RNASEH1: variants seen among roughly 807,000 people sequenced by gnomAD.
RNASEH1 encodes ribonuclease H1, also known as ribonuclease H type II.
Under a neutral mutation model 34.6 loss-of-function variants are expected in RNASEH1, and 27 were observed. The observed-to-expected ratio is 0.78, with a 90% CI of 0.58 to 1.08. The LOEUF (loss-of-function observed/expected upper bound fraction) is 1.08, where lower values mean the gene tolerates loss of function less well. RNASEH1 is among the 50% of genes least tolerant of loss of function. RNASEH1 has a pLI of 0.00. For synonymous variants in RNASEH1, 162 were observed against 138.4 expected (o/e 1.17, Z -1.20); for missense variants, 349 against 373.6 (o/e 0.93, Z 0.54).
At position 3,545,451 on chromosome 2, in the gene RNASEH1, G is replaced by GT. The variant is rs1558447456; in HGVS notation, c.*333dup. ...TCTGAGTTGCATCTTTTAACCAATG[G>GT]TTTTTTGATTTCTTATCAAAATATA... On this transcript the variant is annotated 3_prime_UTR_variant, in exon 8 of 8. Coordinates refer to ENST00000315212, the MANE Select transcript of RNASEH1 (RefSeq NM_002936.6). 1 of 262,024 alleles carries GT rather than the reference G, an allele frequency of 3.8e-6. No individual in the cohort carries two copies. Among genetic ancestry groups the GT allele is most frequent in the Admixed American group, 4.8e-5 (1 of 20,912 alleles). The allele number at this position is 262,024 out of a possible 1,614,324, so 16.2% of individuals were successfully genotyped here.
chr2:3,557,008 G>T, intron 1 of RNASEH1, 104 bp from the exon 2 acceptor site: 1 of 809,772 alleles, frequency 1.2e-6, no homozygotes, highest in East Asian at 2.7e-5. Context: ...TGGTATCTGA[G>T]GGAGACTGAT....
chr2:3,540,256 G>C (rs1668222143), downstream of RNASEH1, among the ~76,000 whole-genome samples: 1 of 151,978 alleles, frequency 6.6e-6, no homozygotes, highest in Non-Finnish European at 1.5e-5. Context: ...AGTTTCTAAA[G>C]ATATAAAAAA....
chr2:3,555,753 T>C (rs1473213297), intron 2 of RNASEH1, among the ~76,000 whole-genome samples: 1 of 108,626 alleles, frequency 9.2e-6, no homozygotes, highest in Non-Finnish European at 2.1e-5. Flanking sequence ...AATCTTGCGC[T>C]CTAAAGTCGT....
chr2:3,552,730 G>A (rs189851000), intron 2 of RNASEH1, among the ~76,000 whole-genome samples: 1 of 152,234 alleles, frequency 6.6e-6, no homozygotes, highest in Non-Finnish European at 1.5e-5. Context: ...GGGCGCAGTG[G>A]TGTGTGCCTA....
At chr2:3,532,395 C>A in the RNASEH1 span, 1 of 701,280 alleles carries the variant, frequency 1.4e-6, no homozygotes. Context: ...TTCATTATTT[C>A]AGTCACTCAC....
chr2:3,554,697 T>C (rs147250843), intron 2 of RNASEH1, among the ~76,000 whole-genome samples: 1 of 152,240 alleles, frequency 6.6e-6, no homozygotes, highest in African/African-American at 2.4e-5. Flanking sequence ...AACATACTTA[T>C]ATTGGAAGAC....
At chr2:3,532,432 A>G in the RNASEH1 span, 1 of 690,590 alleles carries the variant, frequency 1.4e-6, no homozygotes. Flanking sequence ...CTGAACTCCC[A>G]AGGGGCCCCG....
chr2:3,549,762 C>A (rs913035669), intron 4 of RNASEH1, among the ~76,000 whole-genome samples: 5 of 151,770 alleles, frequency 3.3e-5, no homozygotes, highest in African/African-American at 1.2e-4. Flanking sequence ...CTGGCTAACA[C>A]GGTGAAACCC....
At chr2:3,557,273 T>C (rs1660606495) in intron 1 of RNASEH1, among the ~76,000 whole-genome samples, 1 of 152,186 alleles carries the variant, frequency 6.6e-6, no homozygotes, top group Admixed American at 6.5e-5. Flanking sequence ...AAACTGGATA[T>C]AGAGGACCAA....
At chr2:3,535,787 G>A in the RNASEH1 span, among the ~76,000 whole-genome samples, 1 of 152,250 alleles carries the variant, frequency 6.6e-6, no homozygotes, top group African/African-American at 2.4e-5. Context: ...TACCTGGAGA[G>A]GGAGGAGCTG....
At chr2:3,553,266 G>A (rs908998214) in intron 2 of RNASEH1, among the ~76,000 whole-genome samples, 4 of 151,642 alleles carry the variant, frequency 2.6e-5, no homozygotes, top group Admixed American at 1.3e-4. Flanking sequence ...AAAGGAAACA[G>A]AAACCAGAAA....
rs1668385688 is a variant in RNASEH1, at chr2:3,542,489, C to A, written c.*3296G>T. ...ATTTCGTATCCAGCAAAACTGAATT[C>A]AACATCAGAAACTCAAGGAATACTG... On this transcript the variant is annotated 3_prime_UTR_variant, in exon 8 of 8. Coordinates refer to ENST00000315212, the MANE Select transcript of RNASEH1 (RefSeq NM_002936.6). Among the ~76,000 whole-genome samples, 1 of 152,246 alleles carries A rather than the reference C, an allele frequency of 6.6e-6. No homozygotes were observed. The highest frequency in any genetic ancestry group is 2.1e-4 in the South Asian group (1 of 4,826).
chr2:3,536,151 G>C, the RNASEH1 span, among the ~76,000 whole-genome samples: 4 of 152,236 alleles, frequency 2.6e-5, no homozygotes, highest in African/African-American at 7.2e-5. Flanking sequence ...TTACACATTA[G>C]AGAAAGGAAA....
chr2:3,548,100 G>C (rs1004595104), intron 6 of RNASEH1, 45 bp from the exon 7 acceptor site: 35 of 1,610,256 alleles, frequency 2.2e-5, no homozygotes, highest in Non-Finnish European at 3.0e-5. Flanking sequence ...TGAGTGTCCT[G>C]CCTTTTTCAC....
chr2:3,537,696 A>G (rs1668054339), downstream of RNASEH1, among the ~76,000 whole-genome samples: 3 of 151,408 alleles, frequency 2.0e-5, no homozygotes. Flanking sequence ...ACTCCAGCCT[A>G]GGTGACAGAG....
chr2:3,548,740 C>A lies in RNASEH1; in HGVS notation c.565-16G>T. The A allele has an allele frequency of 6.3e-7, 1 of 1,586,316 alleles. No individual in the cohort carries two copies. Among genetic ancestry groups the A allele is most frequent in the Non-Finnish European group, 8.6e-7 (1 of 1,156,998 alleles). On this transcript the variant is annotated splice_polypyrimidine_tract_variant and intron_variant, in intron 5 of 7. Transcript: ENST00000315212. ...TGCAGGCTGCCTTGAAAAGACAAGT[C>A]GATAGTCATGCTACAGAAAATGTTC... is the stretch of plus-strand genomic sequence containing the variant.
intron 2 of RNASEH1, among the ~76,000 whole-genome samples, chr2:3,553,019 G>A (rs182493860): frequency 4.6e-5 from 7 of 152,156 alleles, no homozygotes; most frequent in African/African-American, 7.2e-5. Context: ...AAGCCGAGGC[G>A]GGCAGATCAT....
intron 4 of RNASEH1, among the ~76,000 whole-genome samples, chr2:3,549,788 T>C (rs1322804494): frequency 3.3e-5 from 5 of 151,212 alleles, no homozygotes; most frequent in Non-Finnish European, 7.4e-5. Context: ...CTACTAAAAA[T>C]ACAAAAAATT....
At chr2:3,536,268 C>G in the RNASEH1 span, among the ~76,000 whole-genome samples, 1 of 152,206 alleles carries the variant, frequency 6.6e-6, no homozygotes, top group Non-Finnish European at 1.5e-5. Flanking sequence ...CAGGGAAGAA[C>G]GGTCGGCCTA....
Sources: allele counts gnomAD v4.1 joint callset (sites outside exome capture counted in the v4.1 genomes callset), GRCh38; gene constraint gnomAD v4.1.1; transcripts MANE v1.5; gene names NCBI Gene and HGNC (gene_info 2026-07-23, HGNC 2026-07-21).